SERGEF: variants seen among roughly 807,000 people sequenced by gnomAD.
SERGEF encodes secretion-regulating guanine nucleotide exchange factor.
SERGEF carries 51 observed loss-of-function variants against 50.0 expected under a neutral mutation model. The ratio of observed to expected loss-of-function variants is 1.02; its 90% CI spans 0.81 to 1.29. The LOEUF (loss-of-function observed/expected upper bound fraction) is 1.29, where lower values mean the gene tolerates loss of function less well. Ranked by LOEUF, SERGEF falls within the 50% of genes most tolerant of loss-of-function variation. SERGEF has a pLI of 0.00. For synonymous variants in SERGEF, 205 were observed against 212.4 expected (o/e 0.97, Z 0.30); for missense variants, 521 against 557.0 (o/e 0.94, Z 0.65).
intron 9 of SERGEF, among the ~76,000 whole-genome samples, chr11:17,935,879 A>G (rs1422996462): frequency 6.6e-6 from 1 of 152,222 alleles, no homozygotes; most frequent in Non-Finnish European, 1.5e-5. Context: ...GCAAGTGATA[A>G]AGCAAAGTGG....
intron 9 of SERGEF, among the ~76,000 whole-genome samples, chr11:17,957,408 AACTAGAG>A (rs765921143): frequency 3.3e-5 from 5 of 152,206 alleles, no homozygotes; most frequent in Non-Finnish European, 2.9e-5. Context: ...TTGCCAATAG[AACTAGAG>A]ACTCGGAAAA....
intron 10 of SERGEF, among the ~76,000 whole-genome samples, chr11:17,791,014 T>C (rs537020350): frequency 2.5e-4 from 38 of 152,366 alleles, no homozygotes; most frequent in Non-Finnish European, 4.6e-4. Context: ...TATGATTCTT[T>C]GTTGTTATGT....
chr11:17,818,120 G>C (rs1001943284), intron 10 of SERGEF, among the ~76,000 whole-genome samples: 2 of 152,114 alleles, frequency 1.3e-5, no homozygotes, highest in Non-Finnish European at 2.9e-5. Context: ...ATACAGTTAC[G>C]GTTTTCTGGG....
intron 10 of SERGEF, among the ~76,000 whole-genome samples, chr11:17,845,453 G>C (rs1850589889): frequency 1.3e-5 from 2 of 152,178 alleles, no homozygotes; most frequent in Admixed American, 6.5e-5. Flanking sequence ...AGTGCTGAGT[G>C]AAGAGGCAGC....
intron 10 of SERGEF, among the ~76,000 whole-genome samples, chr11:17,794,511 G>A (rs1464669156): frequency 6.6e-6 from 1 of 152,186 alleles, no homozygotes; most frequent in African/African-American, 2.4e-5. Context: ...TTCTAGTCAG[G>A]ACTAGAATCC....
At chr11:17,974,650 G>A (rs1052116778) in intron 8 of SERGEF, among the ~76,000 whole-genome samples, 2 of 152,200 alleles carry the variant, frequency 1.3e-5, no homozygotes, top group African/African-American at 4.8e-5. Context: ...TCTAATCCTG[G>A]CTGGCTCTGC....
At chr11:17,830,625 AGG>A (rs1479193562) in intron 10 of SERGEF, among the ~76,000 whole-genome samples, 4 of 94,218 alleles carry the variant, frequency 4.2e-5, no homozygotes, top group South Asian at 4.4e-4. Flanking sequence ...AGAGAGAGAG[AGG>A]GAAAGGGGGA....
At chr11:17,952,846 C>G (rs563665538) in intron 9 of SERGEF, among the ~76,000 whole-genome samples, 128 of 152,284 alleles carry the variant, frequency 8.4e-4, no homozygotes, top group Non-Finnish European at 8.2e-4. Flanking sequence ...ACCTCCGTGA[C>G]CTCCCTGTTA....
intron 4 of SERGEF, among the ~76,000 whole-genome samples, chr11:18,003,003 G>A (rs2134010247): frequency 6.6e-6 from 1 of 152,020 alleles, no homozygotes; most frequent in East Asian, 1.9e-4. Context: ...CTTATATGTA[G>A]GTGCTTACAA....
At position 17,807,838 on chromosome 11, in the gene SERGEF, T is replaced by C. The variant is rs574246181; in HGVS notation, c.1049-19425A>G. 8.5e-5 allele frequency among the ~76,000 whole-genome samples: 13 copies of C among 152,262 alleles called. 1 individual carries two copies. Among genetic ancestry groups the C allele is most frequent in the South Asian group, 4.1e-4 (2 of 4,824 alleles). ...ACCAGGAGGGGAGGCAGGACTCATA[T>C]CTGAGCCTAGCTATATGGCAGCCAT... On this transcript the variant is annotated intron_variant, in intron 10 of 10. Transcript: ENST00000265965.
intron 10 of SERGEF, among the ~76,000 whole-genome samples, chr11:17,802,405 C>T (rs1323545038): frequency 6.6e-6 from 1 of 152,122 alleles, no homozygotes; most frequent in East Asian, 1.9e-4. Flanking sequence ...GGGCTCAGCC[C>T]CTAGTGGCAG....
intron 9 of SERGEF, among the ~76,000 whole-genome samples, chr11:17,909,234 A>G (rs1290111646): frequency 6.6e-6 from 1 of 152,228 alleles, no homozygotes; most frequent in Non-Finnish European, 1.5e-5. Context: ...TATGATACCT[A>G]TTTCACAGAA....
intron 9 of SERGEF, among the ~76,000 whole-genome samples, chr11:17,933,350 T>C (rs1231644901): frequency 6.6e-6 from 1 of 152,196 alleles, no homozygotes; most frequent in Non-Finnish European, 1.5e-5. Flanking sequence ...TATTTTAATC[T>C]GTATTGATTG....
intron 10 of SERGEF, among the ~76,000 whole-genome samples, chr11:17,814,855 C>T (rs1027116817): frequency 1.3e-5 from 2 of 152,158 alleles, no homozygotes; most frequent in African/African-American, 4.8e-5. Context: ...AACAATTTTG[C>T]TCATTCAAGC....
At chr11:17,790,781 T>A (rs1199091106) in intron 10 of SERGEF, among the ~76,000 whole-genome samples, 3 of 152,210 alleles carry the variant, frequency 2.0e-5, no homozygotes, top group African/African-American at 7.2e-5. Context: ...TATGAATTTG[T>A]TTCCTTAGAT....
intron 10 of SERGEF, among the ~76,000 whole-genome samples, chr11:17,839,523 G>C (rs149242045): frequency 1.1e-4 from 16 of 152,278 alleles, no homozygotes; most frequent in African/African-American, 3.6e-4. Flanking sequence ...GGAAACTTAA[G>C]ATGGGTGGGC....
chr11:17,842,230 A>C (rs916248374), intron 10 of SERGEF, among the ~76,000 whole-genome samples: 1 of 152,202 alleles, frequency 6.6e-6, no homozygotes, highest in African/African-American at 2.4e-5. Flanking sequence ...AATGAATAAT[A>C]CACCGCAGCT....
intron 8 of SERGEF, among the ~76,000 whole-genome samples, chr11:17,974,139 G>A (rs546280586): frequency 2.0e-5 from 3 of 152,214 alleles, no homozygotes; most frequent in South Asian, 2.1e-4. Flanking sequence ...AGGATGGGAC[G>A]GCCACCTTTC....
At chr11:18,010,794 A>G (rs1854178196) in intron 1 of SERGEF, among the ~76,000 whole-genome samples, 2 of 152,210 alleles carry the variant, frequency 1.3e-5, no homozygotes, top group South Asian at 4.1e-4. Flanking sequence ...AAGAAGATGT[A>G]CATATATTTA....
Sources: allele counts gnomAD v4.1 joint callset (sites outside exome capture counted in the v4.1 genomes callset), GRCh38; gene constraint gnomAD v4.1.1; transcripts MANE v1.5; gene names NCBI Gene and HGNC (gene_info 2026-07-23, HGNC 2026-07-21).